GAREM1: variants seen among roughly 807,000 people sequenced by gnomAD.
GAREM1 encodes the protein GRB2 associated regulator of MAPK1 subtype 1, also known as GRB2-associated and regulator of MAPK protein 1.
A neutral mutation model predicts 71.3 loss-of-function variants in GAREM1; 26 were observed. That is an observed-to-expected ratio of 0.36 (90% CI 0.27 to 0.51). GAREM1 has a LOEUF of 0.51. GAREM1 is among the 20% of genes least tolerant of loss of function. The pLI, the probability that GAREM1 is intolerant of heterozygous loss-of-function variation, is 0.95. For missense variants in GAREM1, 1,026 were observed against 1,103.1 expected (o/e 0.93, Z 0.99); for synonymous variants, 440 against 433.2 (o/e 1.02, Z -0.20).
At chr18:32,301,768 CCA>C (rs2047204282) in intron 3 of GAREM1, among the ~76,000 whole-genome samples, 1 of 152,212 alleles carries the variant, frequency 6.6e-6, no homozygotes, top group Non-Finnish European at 1.5e-5. Flanking sequence ...GGCTATCTCT[CCA>C]CAGTCTGCAA....
chr18:32,405,721 T>G (rs185385440), intron 1 of GAREM1, among the ~76,000 whole-genome samples: 37 of 152,338 alleles, frequency 2.4e-4, no homozygotes, highest in African/African-American at 8.9e-4. Context: ...CAAGCTATCC[T>G]CTGTGCTCTT....
chr18:32,320,143 C>G (rs565191828), intron 2 of GAREM1, among the ~76,000 whole-genome samples: 93 of 152,238 alleles, frequency 6.1e-4, no homozygotes, highest in Non-Finnish European at 1.2e-3. Context: ...TCATGCTTTT[C>G]CTAATAGTTC....
intron 1 of GAREM1, among the ~76,000 whole-genome samples, chr18:32,462,574 GTTGA>G (rs1477963201): frequency 3.0e-4 from 45 of 152,232 alleles, no homozygotes; most frequent in Admixed American, 1.2e-3. Context: ...TTTTTGCTCC[GTTGA>G]TTGTTTCCTT....
chr18:32,333,170 GAGAGACATTAAGAGGAGGGAAGA>G (rs1199011460), intron 2 of GAREM1, among the ~76,000 whole-genome samples: 1 of 151,610 alleles, frequency 6.6e-6, no homozygotes, highest in East Asian at 1.9e-4. Flanking sequence ...AAAAGAAAGA[GAGAGACATTAAGAGGAGGGAAGA>G]AGAGGGATAG....
At chr18:32,306,620 C>T (rs143690480) in intron 3 of GAREM1, among the ~76,000 whole-genome samples, 3 of 152,156 alleles carry the variant, frequency 2.0e-5, no homozygotes, top group Middle Eastern at 3.2e-3. Context: ...TGGCTTCAAA[C>T]GTCTTCCAGA....
chr18:32,372,548 G>A (rs1391774271), intron 2 of GAREM1, among the ~76,000 whole-genome samples: 2 of 152,132 alleles, frequency 1.3e-5, no homozygotes, highest in Non-Finnish European at 2.9e-5. Context: ...TTTTAGCAAG[G>A]GGGTACTGAC....
intron 1 of GAREM1, among the ~76,000 whole-genome samples, chr18:32,447,755 C>T (rs896798540): frequency 3.9e-5 from 6 of 152,082 alleles, no homozygotes; most frequent in Non-Finnish European, 8.8e-5. Context: ...TATACTTCCC[C>T]ATCCGCTTTG....
At chr18:32,413,095 C>T in intron 1 of GAREM1, 7 of 1,537,198 alleles carry the variant, frequency 4.6e-6, no homozygotes, top group South Asian at 1.1e-5. Flanking sequence ...CTCAGGCTCT[C>T]ATCAGTTGTT....
In GAREM1 at chr18:32,301,074, T is replaced by C. The variant is rs570535766; in HGVS notation, c.393+9119A>G. ...CAAATCTATGACTTGGGAAAATATA[T>C]TGGCTGCTTTTCAGTAACTTGGAAG... On this transcript the variant is annotated intron_variant, in intron 3 of 5. Transcript: ENST00000269209. Among the ~76,000 whole-genome samples the C allele has an allele frequency of 1.4e-3, 220 of 152,292 alleles. 1 individual carries two copies. Among genetic ancestry groups the C allele is most frequent in the Non-Finnish European group, 2.7e-3 (181 of 68,030 alleles).
At chr18:32,312,283 T>A (rs1302024521) in intron 2 of GAREM1, among the ~76,000 whole-genome samples, 1 of 151,846 alleles carries the variant, frequency 6.6e-6, no homozygotes, top group African/African-American at 2.4e-5. Flanking sequence ...AGAGAAGAGG[T>A]CTAAGGTTTG....
chr18:32,383,345 A>C (rs17805953), intron 2 of GAREM1, among the ~76,000 whole-genome samples: 5,407 of 152,304 alleles, frequency 0.036, 146 homozygotes, highest in East Asian at 0.11. Flanking sequence ...AGCCAGCACA[A>C]GACTTCCCTG....
At chr18:32,460,158 C>G (rs2048941373) in intron 1 of GAREM1, among the ~76,000 whole-genome samples, 1 of 150,032 alleles carries the variant, frequency 6.7e-6, no homozygotes, top group South Asian at 2.1e-4. Context: ...AACTTTTCCT[C>G]TACTAATTGG....
At chr18:32,314,620 G>A (rs1317512729) in intron 2 of GAREM1, among the ~76,000 whole-genome samples, 12 of 147,456 alleles carry the variant, frequency 8.1e-5, no homozygotes, top group East Asian at 2.0e-4. Flanking sequence ...ACGGAGTCTC[G>A]CTCTGTCTCC....
At chr18:32,278,517 T>C (rs1309379962) in intron 4 of GAREM1, among the ~76,000 whole-genome samples, 1 of 152,182 alleles carries the variant, frequency 6.6e-6, no homozygotes, top group Non-Finnish European at 1.5e-5. Context: ...GTGCATTTTC[T>C]TCCCTAAAAA....
intron 2 of GAREM1, among the ~76,000 whole-genome samples, chr18:32,368,522 T>C (rs1445444955): frequency 6.6e-6 from 1 of 152,186 alleles, no homozygotes; most frequent in Non-Finnish European, 1.5e-5. Flanking sequence ...CTTCAGTTGG[T>C]AAAAACACTA....
chr18:32,360,815 TGTTAA>T (rs2047858311), intron 2 of GAREM1, among the ~76,000 whole-genome samples: 1 of 152,220 alleles, frequency 6.6e-6, no homozygotes. Context: ...CTCTCCTGTC[TGTTAA>T]GAGTCTGTAC....
In GAREM1 at chr18:32,341,588, CCCA is replaced by C. The variant is rs531933229; in HGVS notation, c.263-31268_263-31266del. Among the ~76,000 whole-genome samples the C allele has an allele frequency of 5.5e-3, 837 of 152,278 alleles. 6 individuals carry two copies. Among genetic ancestry groups the C allele is most frequent in the African/African-American group, 0.019 (799 of 41,534 alleles). ...CACAATGGTTGAACTAGTTTACAGT[CCCA>C]CCAACAGTGTAAGATAAATGTTGAT... On this transcript the variant is annotated intron_variant, in intron 2 of 5. Transcript: ENST00000269209.
chr18:32,296,978 C>T (rs2047147382), intron 3 of GAREM1, among the ~76,000 whole-genome samples: 1 of 152,140 alleles, frequency 6.6e-6, no homozygotes, highest in South Asian at 2.1e-4. Flanking sequence ...GATCAAAGGT[C>T]AGCAAACTAA....
chr18:32,411,490 T>G (rs1029757955), intron 1 of GAREM1, among the ~76,000 whole-genome samples: 3 of 152,146 alleles, frequency 2.0e-5, no homozygotes, highest in African/African-American at 7.2e-5. Flanking sequence ...CAGAAAAATA[T>G]TTCTTTTTTT....
Sources: gnomAD v4.1 joint callset for allele counts (sites outside exome capture counted in the v4.1 genomes callset) on GRCh38, gnomAD v4.1.1 for gene constraint, MANE v1.5 for transcripts, NCBI Gene and HGNC (gene_info 2026-07-23, HGNC 2026-07-21) for gene names.